Variants in UGT1A10 observed in about 807,000 individuals in gnomAD.
UGT1A10 encodes UDP-glucuronosyltransferase 1A10.
A neutral mutation model predicts 45.8 loss-of-function variants in UGT1A10; 49 were observed. The observed-to-expected ratio is 1.07, with a 90% CI of 0.85 to 1.36. The LOEUF (loss-of-function observed/expected upper bound fraction) is 1.36, where lower values mean the gene tolerates loss of function less well. Ranked by LOEUF, UGT1A10 falls within the 40% of genes most tolerant of loss-of-function variation. The probability of loss-of-function intolerance (pLI) is 0.00; values close to 1 mark genes in which losing one functional copy is unlikely to be tolerated. For synonymous variants in UGT1A10, 284 were observed against 249.7 expected, an observed-to-expected ratio of 1.14 and a Z score of -1.29; for missense variants, 745 against 668.6, an observed-to-expected ratio of 1.11 and a Z score of -1.26.
chr2:233,714,997 C>A (rs1229091752), intron 1 of UGT1A10, among the ~76,000 whole-genome samples: 1 of 152,164 alleles, frequency 6.6e-6, no homozygotes, highest in Non-Finnish European at 1.5e-5. Context: ...CTGCCTCAGC[C>A]TCCCAAGTAG....
In UGT1A10 at chr2:233,719,639, G is replaced by A. The variant is rs771839689; in HGVS notation, c.856-47395G>A. The A allele has an allele frequency of 2.5e-6, 4 of 1,614,048 alleles. No individual in the cohort carries two copies. In the Admixed American group the frequency reaches 6.7e-5, roughly 27 times the overall value. ...ACCCCAGGCCGATCATGCCCAACAT[G>A]GTCTTCATTGGGGGCATCAACTGTG... On this transcript the variant is annotated intron_variant, in intron 1 of 4. Coordinates refer to ENST00000344644, the MANE Select transcript of UGT1A10 (RefSeq NM_019075.4).
intron 1 of UGT1A10, chr2:233,753,231 A>G (rs1378697040): frequency 1.3e-5 from 2 of 152,142 alleles, no homozygotes; most frequent in African/African-American, 4.8e-5. Flanking sequence ...CTTCTTGTAT[A>G]GTTATTATTT....
At chr2:233,694,827 CAT>C (rs1183581356) in intron 1 of UGT1A10, among the ~76,000 whole-genome samples, 2 of 152,188 alleles carry the variant, frequency 1.3e-5, no homozygotes, top group African/African-American at 4.8e-5. Flanking sequence ...GAAATAAAAA[CAT>C]AGAATGTCAG....
intron 1 of UGT1A10, among the ~76,000 whole-genome samples, chr2:233,727,107 A>G (rs879349742): frequency 4.6e-5 from 7 of 152,176 alleles, no homozygotes; most frequent in Non-Finnish European, 7.3e-5. Flanking sequence ...TTGTGTGTTT[A>G]GGTCTGTGAG....
chr2:233,668,405 A>G (rs1257789764), intron 1 of UGT1A10, among the ~76,000 whole-genome samples: 3 of 152,196 alleles, frequency 2.0e-5, no homozygotes, highest in East Asian at 1.9e-4. Context: ...TTATGGCTGC[A>G]TAGTATTCCA....
chr2:233,709,027 C>A (rs2076053667), intron 1 of UGT1A10, among the ~76,000 whole-genome samples: 1 of 152,124 alleles, frequency 6.6e-6, no homozygotes, highest in Non-Finnish European at 1.5e-5. Context: ...GCAGCAGGGG[C>A]TTCAGCCTGA....
At chr2:233,724,213 C>T (rs2077189704) in intron 1 of UGT1A10, among the ~76,000 whole-genome samples, 2 of 128,964 alleles carry the variant, frequency 1.6e-5, no homozygotes, top group African/African-American at 3.1e-5. Context: ...CTGAGGGGCT[C>T]CTCACTTCCC....
At chr2:233,637,668 G>A (rs917775119) in intron 1 of UGT1A10, among the ~76,000 whole-genome samples, 5 of 152,130 alleles carry the variant, frequency 3.3e-5, no homozygotes, top group South Asian at 2.1e-4. Flanking sequence ...TGAAACTTCC[G>A]TTTTTTGTTA....
intron 1 of UGT1A10, among the ~76,000 whole-genome samples, chr2:233,651,315 A>G (rs2073734760): frequency 6.6e-6 from 1 of 152,152 alleles, no homozygotes; most frequent in Non-Finnish European, 1.5e-5. Context: ...GGCTTCCGAG[A>G]TACGGAAAGC....
chr2:233,644,141 A>G (rs1187693039), intron 1 of UGT1A10, among the ~76,000 whole-genome samples: 3 of 152,062 alleles, frequency 2.0e-5, no homozygotes, highest in East Asian at 1.9e-4. Flanking sequence ...AAGAGTTGCA[A>G]TCTTTATGGA....
chr2:233,757,535 A>AATATATATACATATACATATACAT (rs376887521), intron 1 of UGT1A10, among the ~76,000 whole-genome samples: 3 of 88,310 alleles, frequency 3.4e-5, no homozygotes, highest in African/African-American at 1.0e-4. Flanking sequence ...GCCTGTAAGG[A>AATATATATACATATACATATACAT]ATATATATAT....
intron 1 of UGT1A10, among the ~76,000 whole-genome samples, chr2:233,697,092 C>G (rs1373676838): frequency 6.6e-6 from 1 of 151,956 alleles, no homozygotes; most frequent in Non-Finnish European, 1.5e-5. Flanking sequence ...ACTGGTCTCA[C>G]AGGATGAGTT....
At chr2:233,771,561 C>T (rs1395815945) in intron 4 of UGT1A10, 1 of 152,134 alleles carries the variant, frequency 6.6e-6, no homozygotes, top group Admixed American at 6.6e-5. Context: ...GTTAATTTGG[C>T]CAGAGGTGGT....
intron 1 of UGT1A10, among the ~76,000 whole-genome samples, chr2:233,640,080 C>A (rs1322189342): frequency 3.3e-5 from 5 of 152,184 alleles, no homozygotes; most frequent in African/African-American, 1.2e-4. Flanking sequence ...AAGATCTGTG[C>A]TTTCCCCATT....
intron 1 of UGT1A10, among the ~76,000 whole-genome samples, chr2:233,706,749 AGT>A (rs2075921847): frequency 2.0e-5 from 3 of 152,182 alleles, no homozygotes. Context: ...TGTGAAGCAG[AGT>A]GCCGTACACT....
At chr2:233,664,579 G>A (rs1043806609) in intron 1 of UGT1A10, among the ~76,000 whole-genome samples, 4 of 152,188 alleles carry the variant, frequency 2.6e-5, no homozygotes, top group African/African-American at 9.7e-5. Flanking sequence ...GATGAAGCAG[G>A]AGCATGTCAC....
At chr2:233,657,075 T>C (rs2073871398) in intron 1 of UGT1A10, among the ~76,000 whole-genome samples, 1 of 152,198 alleles carries the variant, frequency 6.6e-6, no homozygotes, top group South Asian at 2.1e-4. Context: ...TCCTTTGGTC[T>C]ACCCTAAGAA....
chr2:233,661,002 T>C (rs1436263710), intron 1 of UGT1A10, among the ~76,000 whole-genome samples: 2 of 152,190 alleles, frequency 1.3e-5, no homozygotes, highest in African/African-American at 4.8e-5. Flanking sequence ...ATAATGACTT[T>C]GTTTTTCTCA....
chr2:233,724,604 G>A (rs1340979109), intron 1 of UGT1A10, among the ~76,000 whole-genome samples: 2 of 132,722 alleles, frequency 1.5e-5, no homozygotes, highest in Non-Finnish European at 3.2e-5. Flanking sequence ...GACGATGGGC[G>A]GCCGGGCAGA....
Sources: allele counts gnomAD v4.1 joint callset (sites outside exome capture counted in the v4.1 genomes callset), GRCh38; gene constraint gnomAD v4.1.1; transcripts MANE v1.5; gene names NCBI Gene and HGNC (gene_info 2026-07-23, HGNC 2026-07-21).